Variants in GAN observed in about 807,000 individuals in gnomAD.
The protein encoded by GAN is epididymis secretory sperm binding protein.
GAN carries 48 observed loss-of-function variants against 71.3 expected under a neutral mutation model. The observed-to-expected ratio is 0.67, with a 90% CI of 0.53 to 0.86. GAN has a LOEUF of 0.86. GAN is among the 40% of genes least tolerant of loss of function. The pLI is 0.00. For missense variants in GAN, 928 were observed against 770.1 expected (o/e 1.21, Z -2.43); for synonymous variants, 386 against 276.8 (o/e 1.39, Z -3.92).
intron 1 of GAN, among the ~76,000 whole-genome samples, chr16:81,330,423 T>C (rs953322111): frequency 5.9e-5 from 9 of 152,190 alleles, no homozygotes; most frequent in African/African-American, 2.2e-4. Flanking sequence ...CAGAGGCCAA[T>C]ACCTCAGCAA....
rs1490746646 is a variant in GAN at position 81,389,101 on chromosome 16, C to G, written c.*11505C>G. On this transcript the variant is annotated 3_prime_UTR_variant, in exon 11 of 11. Transcript: ENST00000648994. ...TTTTCCTAGATCGTACCTCAAAATT[C>G]AGGCTCTCCATGAAAACAAAGATAA... is the stretch of plus-strand genomic sequence containing the variant. 1 of 152,162 alleles carries G rather than the reference C, an allele frequency of 6.6e-6. No homozygotes were observed. The highest frequency in any genetic ancestry group is 1.5e-5 in the Non-Finnish European group (1 of 68,032). The allele number at this position is 152,162 out of a possible 1,614,324, so 9.4% of individuals were successfully genotyped here. A position where few individuals can be genotyped will look rare whatever the true frequency, so the allele number is the denominator to read the frequency against.
chr16:81,365,010 G>A lies in GAN; in HGVS notation c.1273G>A (p.Ala425Thr), dbSNP rs1455154573. The A allele has an allele frequency of 8.1e-6, 13 of 1,613,596 alleles. No homozygotes were observed. The East Asian group carries it at 1.3e-4, about 17-fold the overall frequency. The part of the protein sequence containing the change: ...CYAAMKKKIY[A>T]MGGGSYGKLF... ...TGCAGCTATGAAAAAGAAAATCTAC[G>A]CCATGGGTGGAGGCTCCTACGGAAA... Residue 425 changes from alanine to threonine, a missense_variant, in exon 8 of 11, where the codon GCC becomes ACC. By Grantham distance (58) the Ala-to-Thr change is moderately conservative. Transcript: ENST00000648994.
intron 1 of GAN, among the ~76,000 whole-genome samples, chr16:81,338,626 A>C (rs1344149460): frequency 6.6e-6 from 1 of 152,236 alleles, no homozygotes; most frequent in African/African-American, 2.4e-5. Context: ...GAATAAAACT[A>C]AAGGTATATA....
At chr16:81,359,594 G>T (rs1567493668) in intron 5 of GAN, among the ~76,000 whole-genome samples, 1 of 152,118 alleles carries the variant, frequency 6.6e-6, no homozygotes, top group Non-Finnish European at 1.5e-5. Context: ...CTCTTCAGGA[G>T]AGTTTTTCTT....
At chr16:81,334,492 A>G (rs1201956707) in intron 1 of GAN, among the ~76,000 whole-genome samples, 1 of 152,204 alleles carries the variant, frequency 6.6e-6, no homozygotes. Context: ...TTGAGTAGTG[A>G]GCAGAGAAGC....
At chr16:81,319,894 A>G (rs547860114) in intron 1 of GAN, among the ~76,000 whole-genome samples, 167 of 152,236 alleles carry the variant, frequency 1.1e-3, no homozygotes, top group African/African-American at 3.9e-3. Flanking sequence ...GCTCTATGCT[A>G]TTTTTGTTTT....
chr16:81,357,869 A>C lies in GAN; in HGVS notation c.911A>C (p.Gln304Pro). ...TGCCCTCTCTATGACCCTAACAGGCAGCTTTGGATCGAACTGGCCCCTTTA... is the reference window on the plus strand; with the variant it reads ...TGCCCTCTCTATGACCCTAACAGGCCGCTTTGGATCGAACTGGCCCCTTTA... ...CMCPLYDPNR[Q>P]LWIELAPLSM... Residue 304 changes from glutamine (Q) to proline (P), a missense_variant, in exon 5 of 11, where the codon CAG becomes CCG. Transcript: ENST00000648994. The C allele has an allele frequency of 6.2e-7, 1 of 1,613,618 alleles. No homozygotes were observed. The highest frequency in any genetic ancestry group is 8.5e-7 in the Non-Finnish European group (1 of 1,179,502).
chr16:81,314,982 G>T lies in GAN; in HGVS notation c.-132G>T, dbSNP rs910117246. 6 of 732,686 alleles carry T rather than the reference G, an allele frequency of 8.2e-6. No homozygotes were observed. In the African/African-American group the frequency reaches 9.3e-5, roughly 11 times the overall value. 45.4% of individuals were successfully genotyped at this position (732,686 alleles called of 1,614,324 possible). On this transcript the variant is annotated 5_prime_UTR_variant, in exon 1 of 11. Coordinates refer to ENST00000648994, the MANE Select transcript of GAN (RefSeq NM_022041.4). Reference sequence around the variant, plus strand: ...GCCGCGGATAGCACAGGCACGTCCCGGGGGCTCCAGCTTCTGCTCAGAGCG... The same window carrying T: ...GCCGCGGATAGCACAGGCACGTCCCTGGGGCTCCAGCTTCTGCTCAGAGCG...
intron 1 of GAN, among the ~76,000 whole-genome samples, chr16:81,331,242 C>T (rs1049518867): frequency 2.6e-5 from 4 of 152,012 alleles, no homozygotes; most frequent in East Asian, 1.9e-4. Context: ...GAACGAGATG[C>T]GAATTAATTG....
chr16:81,383,249 T>A lies in GAN; in HGVS notation c.*5653T>A, dbSNP rs903259492. 5.1e-5 allele frequency: 7 copies of A among 136,422 alleles called. No individual in the cohort carries two copies. Among genetic ancestry groups the A allele is most frequent in the Non-Finnish European group, 9.4e-5 (6 of 63,578 alleles). 8.5% of individuals were successfully genotyped at this position (136,422 alleles called of 1,614,324 possible). A position where few individuals can be genotyped will look rare whatever the true frequency, so the allele number is the denominator to read the frequency against. Reference sequence around the variant, plus strand: ...AAATGACTGTTGCCCTCTCTTTTTTTTTTTTTTTTTTTTTTTTTTTTGAGA... The same window carrying A: ...AAATGACTGTTGCCCTCTCTTTTTTATTTTTTTTTTTTTTTTTTTTTGAGA... On this transcript the variant is annotated 3_prime_UTR_variant, in exon 11 of 11. Transcript: ENST00000648994.
In GAN at chr16:81,356,946, C is replaced by T. The variant is rs373811145; in HGVS notation, c.795C>T (p.Asn265=). 2 of 1,613,708 alleles carry T rather than the reference C, an allele frequency of 1.2e-6. No homozygotes were observed. Among genetic ancestry groups the T allele is most frequent in the African/African-American group, 1.3e-5 (1 of 75,012 alleles). Residue 265 remains asparagine (N), a synonymous_variant, in exon 4 of 11, where the codon AAC becomes AAT. Coordinates refer to ENST00000648994, the MANE Select transcript of GAN (RefSeq NM_022041.4). ...AGCAAGGGGAGGCGATGCTGGCCAA[C>T]TTCAAACCCCGGGGCTACTCTGAGT... ...QPQQGEAMLA[N]FKPRGYSECI... is the part of the protein sequence containing the mutation.
chr16:81,373,852 C>G (rs1440520232), intron 9 of GAN, among the ~76,000 whole-genome samples: 1 of 152,176 alleles, frequency 6.6e-6, no homozygotes, highest in African/African-American at 2.4e-5. Context: ...AAGTGATTCT[C>G]CTGCCTCAGC....
At chr16:81,367,893 G>A (rs1910913260) in intron 9 of GAN, among the ~76,000 whole-genome samples, 1 of 152,136 alleles carries the variant, frequency 6.6e-6, no homozygotes, top group South Asian at 2.1e-4. Flanking sequence ...AAAAATATAG[G>A]CTTTCCTATA....
At position 81,387,805 on chromosome 16, in the gene GAN, G is replaced by T. The variant is rs1487156559; in HGVS notation, c.*10209G>T. The T allele has an allele frequency of 6.6e-6, 1 of 151,860 alleles. No individual in the cohort carries two copies. The highest frequency in any genetic ancestry group is 1.5e-5 in the Non-Finnish European group (1 of 68,012). The allele number at this position is 151,860 out of a possible 1,614,324, so 9.4% of individuals were successfully genotyped here. ...TACTCCAGCCTGGGCGACAGAGGGG[G>T]ACTCTGTCTCACAAAAAAATAAAAA... On this transcript the variant is annotated 3_prime_UTR_variant, in exon 11 of 11. Transcript: ENST00000648994.
In GAN at chr16:81,389,303, T is replaced by C. The variant is rs1330951325; in HGVS notation, c.*11707T>C. On this transcript the variant is annotated 3_prime_UTR_variant, in exon 11 of 11. Coordinates refer to ENST00000648994, the MANE Select transcript of GAN (RefSeq NM_022041.4). ...GTTCCTCGGTCTTGTACCCCTTCAG[T>C]TCGCCGGCGACGTAATGGTGATACC... 1 of 152,236 alleles carries C rather than the reference T, an allele frequency of 6.6e-6. No homozygotes were observed. Among genetic ancestry groups the C allele is most frequent in the Non-Finnish European group, 1.5e-5 (1 of 68,038 alleles). The allele number at this position is 152,236 out of a possible 1,614,324, so 9.4% of individuals were successfully genotyped here.
rs141396595 is a variant in GAN at position 81,354,477 on chromosome 16, A to T, written c.355A>T (p.Thr119Ser). The T allele has an allele frequency of 1.4e-4, 218 of 1,614,064 alleles. No individual in the cohort carries two copies. In the African/African-American group the frequency reaches 2.7e-3, roughly 20 times the overall value. Reference sequence around the variant, plus strand: ...CCTGCTGCTACTGACGGACCTTAAAACCCTGTGCTGTGAGTTTTTGGAAGG... The same window carrying T: ...CCTGCTGCTACTGACGGACCTTAAATCCCTGTGCTGTGAGTTTTTGGAAGG... ...ADLLLLTDLK[T>S]LCCEFLEGCI... is the part of the protein sequence containing the mutation. Residue 119 changes from threonine (T) to serine (S), a missense_variant, in exon 3 of 11, where the codon ACC becomes TCC. Physicochemically the swap from Thr to Ser is moderately conservative, Grantham distance 58. Transcript: ENST00000648994.
intron 8 of GAN, 59 bp downstream of exon 8, chr16:81,365,169 C>G: frequency 2.5e-6 from 4 of 1,584,642 alleles, no homozygotes; most frequent in Non-Finnish European, 3.5e-6. Flanking sequence ...GTCTGGAGCC[C>G]CTTACCCTGC....
At chr16:81,377,082 G>T in intron 9 of GAN, 137 bp from the exon 10 acceptor site, 1 of 763,434 alleles carries the variant, frequency 1.3e-6, no homozygotes, top group East Asian at 2.5e-5. Flanking sequence ...GTGGTTACCT[G>T]GCAGTGGAAC....
intron 9 of GAN, among the ~76,000 whole-genome samples, chr16:81,368,037 G>A (rs1362812693): frequency 6.6e-6 from 1 of 152,180 alleles, no homozygotes; most frequent in Non-Finnish European, 1.5e-5. Context: ...AGACCATGTC[G>A]ATTGTTTTTA....
Sources: allele counts gnomAD v4.1 joint callset (sites outside exome capture counted in the v4.1 genomes callset), GRCh38; gene constraint gnomAD v4.1.1; transcripts MANE v1.5; gene names NCBI Gene and HGNC (gene_info 2026-07-23, HGNC 2026-07-21).